VPS54: variants seen among roughly 807,000 people sequenced by gnomAD.
The protein encoded by VPS54 is VPS54 subunit of GARP complex.
Under a neutral mutation model 121.5 loss-of-function variants are expected in VPS54, and 45 were observed. The observed-to-expected ratio is 0.37, with a 90% CI of 0.29 to 0.47. The LOEUF is 0.47. Among genes scored for constraint, VPS54 ranks in the 20% least tolerant of loss-of-function variants. VPS54 has a pLI of 0.99. For synonymous variants in VPS54, 371 were observed against 385.8 expected, an observed-to-expected ratio of 0.96 and a Z score of 0.45; for missense variants, 1,090 against 1,131.4, an observed-to-expected ratio of 0.96 and a Z score of 0.52.
At chr2:63,998,381 T>C (rs934560381) in intron 1 of VPS54, among the ~76,000 whole-genome samples, 17 of 152,220 alleles carry the variant, frequency 1.1e-4, no homozygotes, top group African/African-American at 3.9e-4. Context: ...TGTCTTGTGA[T>C]TGGAGAGTTA....
intron 3 of VPS54, among the ~76,000 whole-genome samples, chr2:63,976,825 C>CTTTTTTTTTTTTTTTT (rs1174931536): frequency 1.1e-5 from 1 of 89,680 alleles, no homozygotes; most frequent in African/African-American, 4.1e-5. Context: ...TATATCTTCT[C>CTTTTTTTTTTTTTTTT]TTTTTTTTTT....
chr2:63,895,734 G>A (rs187389152), intron 22 of VPS54, among the ~76,000 whole-genome samples: 1 of 152,276 alleles, frequency 6.6e-6, no homozygotes, highest in Admixed American at 6.5e-5. Flanking sequence ...TTGGCTACAG[G>A]GTAGAGGTTA....
At chr2:63,920,339 T>C in intron 14 of VPS54, 107 bp downstream of exon 14, 1 of 1,081,764 alleles carries the variant, frequency 9.2e-7, no homozygotes, top group Non-Finnish European at 1.2e-6. Context: ...AAAAAAACCT[T>C]TATCAGGCAT....
chr2:63,929,400 T>C (rs1674074176), intron 12 of VPS54, among the ~76,000 whole-genome samples: 1 of 152,176 alleles, frequency 6.6e-6, no homozygotes, highest in African/African-American at 2.4e-5. Context: ...CTGAACAACC[T>C]GCTCCTGAAT....
intron 3 of VPS54, chr2:63,975,544 G>A (rs1448828895): frequency 6.5e-6 from 1 of 152,880 alleles, no homozygotes; most frequent in Non-Finnish European, 1.5e-5. Context: ...GGATCAGCTG[G>A]TACCACCCAG....
chr2:63,941,140 T>G (rs981035520), intron 11 of VPS54, among the ~76,000 whole-genome samples: 15 of 152,250 alleles, frequency 9.9e-5, no homozygotes, highest in Admixed American at 9.8e-4. Flanking sequence ...TAACACTTGA[T>G]AACTCAAAAA....
chr2:63,917,101 T>G (rs1673415933), intron 15 of VPS54, 138 bp from the exon 16 acceptor site: 1 of 819,986 alleles, frequency 1.2e-6, no homozygotes, highest in South Asian at 1.6e-5. Flanking sequence ...GGGAAACTAT[T>G]TGGCACACAG....
chr2:63,948,297 T>G (rs1032379581), intron 8 of VPS54, among the ~76,000 whole-genome samples: 1 of 152,038 alleles, frequency 6.6e-6, no homozygotes, highest in African/African-American at 2.4e-5. Flanking sequence ...AGTTACCAGC[T>G]AAGTGAAGCC....
chr2:63,985,556 A>G (rs1044616314), intron 1 of VPS54, among the ~76,000 whole-genome samples: 1 of 152,182 alleles, frequency 6.6e-6, no homozygotes, highest in Non-Finnish European at 1.5e-5. Context: ...GCTTAAACAG[A>G]AAGCCTACAA....
intron 7 of VPS54, among the ~76,000 whole-genome samples, chr2:63,959,942 C>T (rs185461099): frequency 6.6e-6 from 1 of 152,022 alleles, no homozygotes; most frequent in African/African-American, 2.4e-5. Flanking sequence ...ATCGCTTGAA[C>T]CCGGGAGGAG....
At chr2:63,976,651 T>C (rs904391701) in intron 3 of VPS54, among the ~76,000 whole-genome samples, 1 of 152,068 alleles carries the variant, frequency 6.6e-6, no homozygotes, top group Non-Finnish European at 1.5e-5. Flanking sequence ...TATTTCTTGT[T>C]GTGTAAGCTT....
rs1672294684 is a variant in VPS54, at chr2:63,893,158, G to C, written c.*272C>G. On this transcript the variant is annotated 3_prime_UTR_variant, in exon 23 of 23. Transcript: ENST00000272322. ...TACAGCTATGTGTTCTTTTGGATTT[G>C]GTCCAAAGAAACCTGAGTCTGTTTC... is the stretch of plus-strand genomic sequence containing the variant. 2 of 488,930 alleles carry C rather than the reference G, an allele frequency of 4.1e-6. No individual in the cohort carries two copies. Among genetic ancestry groups the C allele is most frequent in the East Asian group, 7.8e-5 (2 of 25,644 alleles). 30.3% of individuals were successfully genotyped at this position (488,930 alleles called of 1,614,324 possible).
intron 18 of VPS54, among the ~76,000 whole-genome samples, chr2:63,912,990 G>C (rs1348511803): frequency 1.3e-5 from 2 of 152,120 alleles, no homozygotes; most frequent in East Asian, 3.8e-4. Context: ...ATATTTTCTA[G>C]AGTGGTGTAA....
chr2:63,920,734 A>C (rs1320211555), intron 13 of VPS54, 107 bp from the exon 14 acceptor site: 1 of 600,510 alleles, frequency 1.7e-6, no homozygotes, highest in East Asian at 4.2e-5. Context: ...TATTTTAATA[A>C]TATTTCCCAA....
chr2:63,929,059 CAAT>C (rs1470707909), intron 12 of VPS54, among the ~76,000 whole-genome samples: 1 of 152,090 alleles, frequency 6.6e-6, no homozygotes, highest in Non-Finnish European at 1.5e-5. Context: ...CACTCCCACA[CAAT>C]AATAATGGGA....
chr2:64,001,974 G>A (rs569463770), intron 1 of VPS54, among the ~76,000 whole-genome samples: 21 of 152,200 alleles, frequency 1.4e-4, no homozygotes, highest in South Asian at 2.1e-4. Flanking sequence ...TTAGGACCCC[G>A]GCACACCTCA....
chr2:63,995,277 G>T (rs1677526111), intron 1 of VPS54, among the ~76,000 whole-genome samples: 1 of 152,168 alleles, frequency 6.6e-6, no homozygotes, highest in Non-Finnish European at 1.5e-5. Flanking sequence ...TCAAAATTTG[G>T]ACGAAGAATC....
chr2:64,017,407 T>C (rs35336851), intron 1 of VPS54, among the ~76,000 whole-genome samples: 22,731 of 151,758 alleles, frequency 0.15, 1,968 homozygotes, highest in Middle Eastern at 0.22. Context: ...TGCCGTTTCA[T>C]GGGCTATATA....
intron 1 of VPS54, among the ~76,000 whole-genome samples, chr2:64,012,056 T>C (rs1678454413): frequency 6.6e-6 from 1 of 152,120 alleles, no homozygotes; most frequent in African/African-American, 2.4e-5. Context: ...AAACAATAAA[T>C]TAGTATTTTA....
Sources: gnomAD v4.1 joint callset for allele counts (sites outside exome capture counted in the v4.1 genomes callset) on GRCh38, gnomAD v4.1.1 for gene constraint, MANE v1.5 for transcripts, NCBI Gene and HGNC (gene_info 2026-07-23, HGNC 2026-07-21) for gene names.